The following DCC variants were observed in gnomAD, a reference collection of about 807,000 sequenced individuals.
DCC encodes netrin receptor DCC.
Under a neutral mutation model 172.5 loss-of-function variants are expected in DCC, and 58 were observed. The observed-to-expected ratio is 0.34, with a 90% CI of 0.27 to 0.42. The LOEUF is 0.42. Ranked by LOEUF, DCC falls within the 10% of genes least tolerant of loss-of-function variation. DCC has a pLI of 1.00. For missense variants in DCC, 1,740 were observed against 1,791.0 expected (o/e 0.97, Z 0.51); for synonymous variants, 709 against 644.5 (o/e 1.10, Z -1.52).
At chr18:53,303,164 G>T (rs2057160345) in intron 12 of DCC, among the ~76,000 whole-genome samples, 1 of 152,022 alleles carries the variant, frequency 6.6e-6, no homozygotes. Context: ...CATTTCATGT[G>T]ATAATTTATT....
intron 1 of DCC, among the ~76,000 whole-genome samples, chr18:52,575,603 T>G (rs17748761): frequency 0.036 from 5,418 of 152,196 alleles, 141 homozygotes; most frequent in Non-Finnish European, 0.059. Flanking sequence ...TTCTTAGTTG[T>G]TTTTTTCCTA....
chr18:53,028,654 T>G (rs931592966), intron 5 of DCC, among the ~76,000 whole-genome samples: 9 of 152,158 alleles, frequency 5.9e-5, no homozygotes, highest in Non-Finnish European at 1.0e-4. Context: ...CATTTCTCAT[T>G]GCAGTTTAAT....
At chr18:53,086,830 C>T (rs561841880) in intron 7 of DCC, among the ~76,000 whole-genome samples, 2 of 139,646 alleles carry the variant, frequency 1.4e-5, no homozygotes, top group Non-Finnish European at 3.1e-5. Context: ...CAGTTCCCAC[C>T]TATGAGTGAG....
chr18:52,893,736 A>G lies in DCC; in HGVS notation c.413-12308A>G, dbSNP rs542858813. Among the ~76,000 whole-genome samples the G allele has an allele frequency of 3.0e-4, 45 of 152,282 alleles. No homozygotes were observed. In the South Asian group the frequency reaches 8.7e-3, roughly 29 times the overall value. ...ACATAACATGATATAACATGTTAAT[A>G]TACCGGAAACATATGTTACTATCTG... is the stretch of plus-strand genomic sequence containing the variant. On this transcript the variant is annotated intron_variant, in intron 2 of 28. Transcript: ENST00000442544.
At chr18:52,669,586 G>A (rs138087233) in intron 1 of DCC, among the ~76,000 whole-genome samples, 267 of 152,280 alleles carry the variant, frequency 1.8e-3, no homozygotes, top group African/African-American at 6.2e-3. Flanking sequence ...CGGTTTCAAT[G>A]GTCCATGTCT....
chr18:53,505,565 A>G (rs944625601), intron 27 of DCC, among the ~76,000 whole-genome samples: 2 of 152,224 alleles, frequency 1.3e-5, no homozygotes, highest in African/African-American at 4.8e-5. Context: ...AAAATATCGC[A>G]TCAAGAATTG....
chr18:52,650,556 T>C (rs543608998), intron 1 of DCC, among the ~76,000 whole-genome samples: 3 of 152,006 alleles, frequency 2.0e-5, no homozygotes, highest in Admixed American at 1.3e-4. Flanking sequence ...GTTTTGGTTT[T>C]GTTTGTTTGT....
Position 52,471,492 on chromosome 18 carries a change from T to G in DCC, c.91+130614T>G, listed in dbSNP as rs79413303. On this transcript the variant is annotated intron_variant, in intron 1 of 28. Coordinates refer to ENST00000442544, the MANE Select transcript of DCC (RefSeq NM_005215.4). The stretch of plus-strand genomic sequence containing the variant: ...GACTAAACAAATCATGTAAGAAAGA[T>G]TACATTCTATCGACTTAGGTAAATG... Among the ~76,000 whole-genome samples, 1,513 of 152,316 alleles carry G rather than the reference T, an allele frequency of 9.9e-3. 57 individuals carry two copies. The highest frequency in any genetic ancestry group is 0.064 in the Admixed American group (973 of 15,296).
intron 1 of DCC, among the ~76,000 whole-genome samples, chr18:52,643,473 C>T (rs2034951535): frequency 6.6e-6 from 1 of 152,154 alleles, no homozygotes; most frequent in Non-Finnish European, 1.5e-5. Flanking sequence ...AAAACCAGCC[C>T]ACATGATTTT....
At chr18:53,371,089 T>G (rs2058056287) in intron 15 of DCC, among the ~76,000 whole-genome samples, 1 of 151,840 alleles carries the variant, frequency 6.6e-6, no homozygotes, top group African/African-American at 2.4e-5. Context: ...ATAGAAATAT[T>G]TTATCAGTGG....
chr18:53,132,916 T>G (rs1006658105), intron 7 of DCC, among the ~76,000 whole-genome samples: 2 of 152,170 alleles, frequency 1.3e-5, no homozygotes, highest in African/African-American at 4.8e-5. Context: ...CTTGTAGTCA[T>G]GTTTACAAGC....
chr18:52,929,374 G>C (rs1178460931), intron 5 of DCC, among the ~76,000 whole-genome samples: 1 of 151,958 alleles, frequency 6.6e-6, no homozygotes, highest in South Asian at 2.1e-4. Context: ...TACTGAAACA[G>C]CTATAAAAAA....
chr18:53,398,852 A>G (rs1289102729), intron 18 of DCC, among the ~76,000 whole-genome samples: 1 of 152,166 alleles, frequency 6.6e-6, no homozygotes, highest in Non-Finnish European at 1.5e-5. Flanking sequence ...AGGTGTAAAT[A>G]GCACATGGAT....
chr18:53,355,448 G>T (rs1039812198), intron 15 of DCC, among the ~76,000 whole-genome samples: 24 of 151,914 alleles, frequency 1.6e-4, no homozygotes, highest in African/African-American at 5.8e-4. Context: ...CTTTTATTTT[G>T]CTGAGCAGTG....
chr18:53,513,006 T>A (rs1229185484), intron 27 of DCC, among the ~76,000 whole-genome samples: 13 of 151,960 alleles, frequency 8.6e-5, no homozygotes, highest in Admixed American at 8.5e-4. Flanking sequence ...AGACACATAA[T>A]TGTCAGATTC....
At chr18:53,177,746 G>A (rs1185447352) in intron 8 of DCC, among the ~76,000 whole-genome samples, 1 of 152,128 alleles carries the variant, frequency 6.6e-6, no homozygotes, top group Non-Finnish European at 1.5e-5. Context: ...ACCTCTTGAT[G>A]AGACTCAGTC....
chr18:53,247,275 G>A (rs1205492404), intron 12 of DCC, among the ~76,000 whole-genome samples: 1 of 151,992 alleles, frequency 6.6e-6, no homozygotes, highest in African/African-American at 2.4e-5. Flanking sequence ...TTGATCCTAA[G>A]TCTAAGGAAG....
chr18:52,497,280 A>AATATATAT (rs1172366771), intron 1 of DCC, among the ~76,000 whole-genome samples: 1 of 21,568 alleles, frequency 4.6e-5, no homozygotes, highest in Non-Finnish European at 1.1e-4. Context: ...AAAAAAAAAA[A>AATATATAT]ATATATATAT....
chr18:53,079,763 G>T, intron 7 of DCC, among the ~76,000 whole-genome samples: 1 of 152,136 alleles, frequency 6.6e-6, no homozygotes, highest in East Asian at 1.9e-4. Context: ...TAGGGATGTG[G>T]TTTGGCCAAG....
Sources: gnomAD v4.1 joint callset for allele counts (sites outside exome capture counted in the v4.1 genomes callset) on GRCh38, gnomAD v4.1.1 for gene constraint, MANE v1.5 for transcripts, NCBI Gene and HGNC (gene_info 2026-07-23, HGNC 2026-07-21) for gene names.